HEATR4: variants seen among roughly 807,000 people sequenced by gnomAD.
HEATR4 encodes the protein HEAT repeat containing 4, also known as HEAT repeat-containing protein 4.
A neutral mutation model predicts 108.8 loss-of-function variants in HEATR4; 95 were observed. The ratio of observed to expected loss-of-function variants is 0.87; its 90% CI spans 0.74 to 1.04. The LOEUF (loss-of-function observed/expected upper bound fraction) is 1.04. HEATR4 is among the 50% of genes least tolerant of loss of function. HEATR4 has a pLI of 0.00. For synonymous variants in HEATR4, 443 were observed against 459.4 expected (o/e 0.96, Z 0.46); for missense variants, 1,152 against 1,253.8 (o/e 0.92, Z 1.23).
At chr14:73,590,072 C>T in the HEATR4 span, among the ~76,000 whole-genome samples, 1 of 152,178 alleles carries the variant, frequency 6.6e-6, no homozygotes, top group East Asian at 1.9e-4. Context: ...ATAGAACAAA[C>T]CTTCCCGCAA....
the HEATR4 span, among the ~76,000 whole-genome samples, chr14:73,600,743 G>A: frequency 6.6e-6 from 1 of 151,724 alleles, no homozygotes; most frequent in Admixed American, 6.6e-5. Context: ...GAGCCACCAC[G>A]CCCAGCCAGC....
the HEATR4 span, among the ~76,000 whole-genome samples, chr14:73,632,431 AACCATTCCAG>A: frequency 9.4e-6 from 1 of 106,578 alleles, no homozygotes; most frequent in African/African-American, 2.7e-5. Context: ...TTCCTTCCAG[AACCATTCCAG>A]AACCATTTTG....
At chr14:73,612,998 C>A in the HEATR4 span, 1 of 987,360 alleles carries the variant, frequency 1.0e-6, no homozygotes, top group Non-Finnish European at 1.4e-6. Context: ...GCGCGCGGGC[C>A]CGGTGCGCGC....
the HEATR4 span, among the ~76,000 whole-genome samples, chr14:73,592,574 C>T: frequency 6.6e-6 from 1 of 152,136 alleles, no homozygotes; most frequent in Non-Finnish European, 1.5e-5. Context: ...GGTTTGGTAC[C>T]GGGCGTGGTG....
the HEATR4 span, among the ~76,000 whole-genome samples, chr14:73,585,423 AC>A: frequency 0.056 from 8,538 of 151,998 alleles, 239 homozygotes; most frequent in Admixed American, 0.077. Context: ...GGTGGCTCAC[AC>A]CTGTAATCCC....
chr14:73,563,124 G>A (rs541346912), upstream of HEATR4, among the ~76,000 whole-genome samples: 8 of 152,012 alleles, frequency 5.3e-5, no homozygotes, highest in South Asian at 4.2e-4. Flanking sequence ...TGGGCATCAC[G>A]GTCCTACCAA....
Position 73,494,817 on chromosome 14 carries a change from T to C in HEATR4, c.2785+411A>G, listed in dbSNP as rs529765744. Among the ~76,000 whole-genome samples the C allele has an allele frequency of 1.8e-4, 27 of 152,248 alleles. No homozygotes were observed. The South Asian group carries it at 5.4e-3, about 30-fold the overall frequency. ...CTGGGGTGATCCTCCCACCATGGCC[T>C]CCCAAAGCACTGAGAGTCCAGGTGT... is the stretch of plus-strand genomic sequence containing the variant. On this transcript the variant is annotated intron_variant, in intron 16 of 17. Coordinates refer to ENST00000553558, the MANE Select transcript of HEATR4 (RefSeq NM_001220484.1).
the HEATR4 span, among the ~76,000 whole-genome samples, chr14:73,600,154 T>C: frequency 6.6e-6 from 1 of 152,112 alleles, no homozygotes; most frequent in African/African-American, 2.4e-5. Flanking sequence ...TGTTCAAAAA[T>C]GGGGAAAATG....
rs1886572905 is a variant in HEATR4 at position 73,502,952 on chromosome 14, G to T, written c.2048C>A (p.Ala683Glu). 1 of 1,613,898 alleles carries T rather than the reference G, an allele frequency of 6.2e-7. No individual in the cohort carries two copies. The highest frequency in any genetic ancestry group is 1.1e-5 in the South Asian group (1 of 91,072). Residue 683 changes from alanine to glutamate, a missense_variant, in exon 11 of 18, where the codon GCA (alanine) becomes GAA (glutamate). Transcript: ENST00000553558. Reference sequence around the variant, plus strand: ...CATTTGCCCAAGCGCCTGTGCAGCTGCTCTCCTCACTTCCTTATTCCAGTC... The same window carrying T: ...CATTTGCCCAAGCGCCTGTGCAGCTTCTCTCCTCACTTCCTTATTCCAGTC... Reference protein sequence around the residue: ...WNDWNKEVRRAAAQALGQMSL... With the variant: ...WNDWNKEVRREAAQALGQMSL...
chr14:73,578,410 G>T, the HEATR4 span, among the ~76,000 whole-genome samples: 47 of 151,534 alleles, frequency 3.1e-4, no homozygotes, highest in South Asian at 9.6e-3. Context: ...TTGTATTTTT[G>T]CAGAGACAAG....
the HEATR4 span, among the ~76,000 whole-genome samples, chr14:73,568,315 G>A: frequency 2.6e-5 from 4 of 151,294 alleles, no homozygotes; most frequent in African/African-American, 9.7e-5. Context: ...ATAAAATCAG[G>A]TACAAGGGCT....
the HEATR4 span, chr14:73,596,631 C>G: frequency 6.6e-6 from 1 of 152,182 alleles, no homozygotes; most frequent in African/African-American, 2.4e-5. Context: ...GACAGAGTCA[C>G]TCTGTTGCCC....
chr14:73,490,709 C>T (rs1313695236), intron 17 of HEATR4, among the ~76,000 whole-genome samples: 2 of 152,242 alleles, frequency 1.3e-5, no homozygotes, highest in Admixed American at 1.3e-4. Flanking sequence ...CACACCTCGG[C>T]CTCCGAAAGT....
the HEATR4 span, among the ~76,000 whole-genome samples, chr14:73,617,363 C>T: frequency 6.6e-6 from 1 of 152,090 alleles, no homozygotes; most frequent in Non-Finnish European, 1.5e-5. Context: ...ACCTGTAGTC[C>T]CAGCTACCTG....
the HEATR4 span, among the ~76,000 whole-genome samples, chr14:73,601,178 G>GT: frequency 6.6e-6 from 1 of 151,998 alleles, no homozygotes; most frequent in Non-Finnish European, 1.5e-5. Flanking sequence ...AAATATTTTT[G>GT]TAAGTGTTTA....
Position 73,508,199 on chromosome 14 carries a change from T to C in HEATR4, c.1816A>G (p.Thr606Ala). 6.2e-7 allele frequency: 1 copy of C among 1,614,082 alleles called. No individual in the cohort carries two copies. Among genetic ancestry groups the C allele is most frequent in the Non-Finnish European group, 8.5e-7 (1 of 1,179,946 alleles). ...TCCTCAGTGTCCTCATTCTTCTTTG[T>C]AAACAGCTGGTGGAGGATCCTCTTA... ...VIKRILHQLF[T>A]KKNEDTEEQS... Residue 606 changes from threonine to alanine, a missense_variant, in exon 9 of 18, where the codon ACA (threonine) becomes GCA (alanine). Transcript: ENST00000553558.
the HEATR4 span, among the ~76,000 whole-genome samples, chr14:73,591,415 G>A: frequency 5.3e-5 from 8 of 152,060 alleles, no homozygotes; most frequent in African/African-American, 1.9e-4. Flanking sequence ...GCATGGTGGC[G>A]CGCGCCTGTA....
the HEATR4 span, among the ~76,000 whole-genome samples, chr14:73,621,935 T>C: frequency 6.6e-6 from 1 of 151,812 alleles, no homozygotes; most frequent in Non-Finnish European, 1.5e-5. Flanking sequence ...GGCTAACTTT[T>C]TATTTTTTGT....
chr14:73,575,557 G>A, the HEATR4 span: 1 of 1,534,482 alleles, frequency 6.5e-7, no homozygotes. Flanking sequence ...ATCTCTCCTG[G>A]AAACATCTGC....
Sources: gnomAD v4.1 joint callset for allele counts (sites outside exome capture counted in the v4.1 genomes callset) on GRCh38, gnomAD v4.1.1 for gene constraint, MANE v1.5 for transcripts, NCBI Gene and HGNC (gene_info 2026-07-23, HGNC 2026-07-21) for gene names.